PCSK2: variants seen among roughly 807,000 people sequenced by gnomAD.
PCSK2 encodes the protein neuroendocrine convertase 2.
A neutral mutation model predicts 69.7 loss-of-function variants in PCSK2; 14 were observed. The observed-to-expected ratio is 0.20, with a 90% CI of 0.13 to 0.31. The LOEUF (loss-of-function observed/expected upper bound fraction) is 0.31, where lower values mean the gene tolerates loss of function less well. Ranked by LOEUF, PCSK2 falls within the 10% of genes least tolerant of loss-of-function variation. The pLI, the probability that PCSK2 is intolerant of heterozygous loss-of-function variation, is 1.00. For synonymous variants in PCSK2, 307 were observed against 320.7 expected, an observed-to-expected ratio of 0.96 and a Z score of 0.46; for missense variants, 544 against 842.5, an observed-to-expected ratio of 0.65 and a Z score of 4.39.
Position 17,481,691 on chromosome 20 carries a change from T to G in PCSK2, c.1538T>G (p.Val513Gly). 6.2e-7 allele frequency: 1 copy of G among 1,614,046 alleles called. No homozygotes were observed. ...GAGCATGTCCAGGCTGTCATCACGG[T>G]CAACGCAACCAGAAGAGGAGACCTG... The part of the protein sequence containing the change: ...YLEHVQAVIT[V>G]NATRRGDLNI... Residue 513 changes from valine (V) to glycine (G), a missense_variant, in exon 12 of 12, where the codon GTC becomes GGC. This residue lies in a region of PCSK2 where 200 missense variants were observed against 287.8 expected (regional missense o/e 0.69). Coordinates refer to ENST00000262545, the MANE Select transcript of PCSK2 (RefSeq NM_002594.5).
At chr20:17,360,478 G>A (rs1233867814) in intron 3 of PCSK2, 54 bp from the exon 4 acceptor site, 9 of 1,049,536 alleles carry the variant, frequency 8.6e-6, no homozygotes, top group Middle Eastern at 2.0e-4. Context: ...ATGTACATGG[G>A]TGCTTTACAA....
At chr20:17,243,369 T>G (rs1050258819) in intron 1 of PCSK2, among the ~76,000 whole-genome samples, 18 of 151,822 alleles carry the variant, frequency 1.2e-4, no homozygotes, top group African/African-American at 4.4e-4. Flanking sequence ...TCTGACTAGG[T>G]TTTTATTTTT....
At chr20:17,435,212 A>C (rs1366197575) in intron 7 of PCSK2, among the ~76,000 whole-genome samples, 1 of 152,206 alleles carries the variant, frequency 6.6e-6, no homozygotes, top group Admixed American at 6.5e-5. Flanking sequence ...CAACTAAATA[A>C]GGTAATAATG....
At chr20:17,297,506 G>A (rs73897877) in intron 2 of PCSK2, among the ~76,000 whole-genome samples, 259 of 152,370 alleles carry the variant, frequency 1.7e-3, no homozygotes, top group African/African-American at 6.1e-3. Context: ...AGCAGCACTA[G>A]CTCAGGTTGA....
At chr20:17,269,837 A>T (rs1987790489) in intron 2 of PCSK2, among the ~76,000 whole-genome samples, 1 of 152,178 alleles carries the variant, frequency 6.6e-6, no homozygotes, top group South Asian at 2.1e-4. Flanking sequence ...AAAAGCCATG[A>T]GAAAGATCAT....
intron 5 of PCSK2, among the ~76,000 whole-genome samples, chr20:17,378,598 T>TGGAC (rs1005548164): frequency 2.1e-5 from 2 of 96,160 alleles, no homozygotes; most frequent in African/African-American, 8.8e-5. Context: ...GACGGATGGA[T>TGGAC]GGATGGATGG....
chr20:17,417,204 C>CT (rs2032018882), intron 6 of PCSK2, among the ~76,000 whole-genome samples: 1 of 152,130 alleles, frequency 6.6e-6, no homozygotes, highest in Non-Finnish European at 1.5e-5. Context: ...ACTAAAAACA[C>CT]TAAGGAAATG....
Position 17,281,107 on chromosome 20 carries a change from C to A in PCSK2, c.282+20763C>A, listed in dbSNP as rs1200255973. Among the ~76,000 whole-genome samples, 10 of 152,230 alleles carry A rather than the reference C, an allele frequency of 6.6e-5. No homozygotes were observed. The South Asian group carries it at 1.4e-3, about 22-fold the overall frequency. On this transcript the variant is annotated intron_variant, in intron 2 of 11. Coordinates refer to ENST00000262545, the MANE Select transcript of PCSK2 (RefSeq NM_002594.5). ...AGTATAGTAACCCAGGTGAGGTTCA[C>A]CTTCAAGACTCTCCATCTGAGGTCA... is the stretch of plus-strand genomic sequence containing the variant.
intron 11 of PCSK2, among the ~76,000 whole-genome samples, chr20:17,477,488 G>T (rs1349497836): frequency 2.6e-5 from 4 of 151,900 alleles, no homozygotes; most frequent in African/African-American, 9.7e-5. Flanking sequence ...TATATATGTT[G>T]GTCACTATTA....
chr20:17,396,941 C>T (rs1262607585), intron 5 of PCSK2, among the ~76,000 whole-genome samples: 1 of 152,122 alleles, frequency 6.6e-6, no homozygotes, highest in Non-Finnish European at 1.5e-5. Context: ...CTGGGAGAAT[C>T]GGCCAGTTCT....
At chr20:17,366,292 A>C (rs2030589312) in intron 4 of PCSK2, among the ~76,000 whole-genome samples, 1 of 152,212 alleles carries the variant, frequency 6.6e-6, no homozygotes, top group African/African-American at 2.4e-5. Flanking sequence ...CTTTCCAAGA[A>C]GCTTCAAATT....
intron 2 of PCSK2, among the ~76,000 whole-genome samples, chr20:17,338,515 G>T (rs1600503540): frequency 9.3e-6 from 1 of 107,346 alleles, no homozygotes; most frequent in Non-Finnish European, 2.0e-5. Context: ...TTTTAAAATT[G>T]TTGTTGTTGG....
chr20:17,296,159 A>G (rs1988886923), intron 2 of PCSK2, among the ~76,000 whole-genome samples: 1 of 152,190 alleles, frequency 6.6e-6, no homozygotes, highest in African/African-American at 2.4e-5. Flanking sequence ...AAGCAGCAAG[A>G]CAGCCTAAGC....
intron 5 of PCSK2, among the ~76,000 whole-genome samples, chr20:17,394,603 GA>G (rs2031467525): frequency 6.6e-6 from 1 of 152,262 alleles, no homozygotes; most frequent in East Asian, 1.9e-4. Context: ...GTGGTAGCAG[GA>G]ATGGCAAAGA....
intron 9 of PCSK2, 54 bp downstream of exon 9, chr20:17,454,011 C>A: frequency 6.2e-7 from 1 of 1,604,664 alleles, no homozygotes; most frequent in South Asian, 1.1e-5. Flanking sequence ...ACCTCTGTGT[C>A]AGGGTGGGAT....
intron 6 of PCSK2, among the ~76,000 whole-genome samples, chr20:17,426,546 A>G (rs1318006598): frequency 1.3e-5 from 2 of 152,242 alleles, no homozygotes; most frequent in African/African-American, 4.8e-5. Flanking sequence ...ATGTGTATAC[A>G]TATAAAAAGA....
intron 2 of PCSK2, among the ~76,000 whole-genome samples, chr20:17,352,436 C>G (rs763229591): frequency 1.3e-5 from 2 of 152,076 alleles, no homozygotes; most frequent in African/African-American, 4.8e-5. Context: ...TTGCATTACC[C>G]AATGTCATAT....
chr20:17,226,487 GGCAA>G (rs2122916086), upstream of PCSK2: 1 of 151,826 alleles, frequency 6.6e-6, no homozygotes, highest in South Asian at 2.1e-4. Context: ...GATAAGGGGA[GGCAA>G]GTATGCCTTG....
Position 17,258,761 on chromosome 20 carries a change from AGTGTGTGTGTGT to A in PCSK2, c.178-1454_178-1443del, listed in dbSNP as rs11467589. Among the ~76,000 whole-genome samples, 942 of 145,104 alleles carry A rather than the reference AGTGTGTGTGTGT, an allele frequency of 6.5e-3. 6 individuals are homozygous for A. Among genetic ancestry groups the A allele is most frequent in the Non-Finnish European group, 0.011 (723 of 66,046 alleles). ...AGAAGAACCACTTTGCATAATATGT[AGTGTGTGTGTGT>A]GTGTGTGTGTGTGTGTGTGTGTGTT... On this transcript the variant is annotated intron_variant, in intron 1 of 11. Coordinates refer to ENST00000262545, the MANE Select transcript of PCSK2 (RefSeq NM_002594.5).
Sources: allele counts gnomAD v4.1 joint callset (sites outside exome capture counted in the v4.1 genomes callset), GRCh38; gene constraint gnomAD v4.1.1; regional missense constraint gnomAD v4.1.1; transcripts MANE v1.5; gene names NCBI Gene and HGNC (gene_info 2026-07-23, HGNC 2026-07-21).